The following TINAGL1 variants were observed in gnomAD, a reference collection of about 807,000 sequenced individuals.
The protein encoded by TINAGL1 is tubulointerstitial nephritis antigen like 1.
A neutral mutation model predicts 62.0 loss-of-function variants in TINAGL1; 34 were observed. That is an observed-to-expected ratio of 0.55 (90% CI 0.42 to 0.73). The LOEUF (loss-of-function observed/expected upper bound fraction) is 0.73. TINAGL1 is among the 30% of genes least tolerant of loss of function. TINAGL1 has a pLI of 0.00. For missense variants in TINAGL1, 516 were observed against 653.2 expected (o/e 0.79, Z 2.29); for synonymous variants, 221 against 249.7 (o/e 0.88, Z 1.08).
At chr1:31,582,001 C>T (rs1387528496) in intron 3 of TINAGL1, among the ~76,000 whole-genome samples, 1 of 152,146 alleles carries the variant, frequency 6.6e-6, no homozygotes, top group African/African-American at 2.4e-5. Context: ...TACCTGCCCT[C>T]AAGGAATTTA....
intron 3 of TINAGL1, chr1:31,580,508 G>A: frequency 1.6e-6 from 2 of 1,289,286 alleles, no homozygotes; most frequent in Non-Finnish European, 2.0e-6. Context: ...GTGTGCAGAG[G>A]GGGAACAGCC....
In TINAGL1 at chr1:31,584,779, C is replaced by T. The variant is rs774835234; in HGVS notation, c.684C>T (p.Gly228=). ...CTCTTGACCAAGGCAACTGTGCAGG[C>T]TCCTGGGCCTTCTCCACAGCAGGTA... The part of the protein sequence containing the change: ...HEPLDQGNCA[G]SWAFSTAAVA... The change falls in exon 6 of 12, where the codon GGC becomes GGT. Residue 228 remains glycine, a synonymous_variant. Transcript: ENST00000271064. The surrounding 1 kb of genome is among the most constrained non-coding windows in gnomAD (Gnocchi z 4.0). 1.2e-6 allele frequency: 2 copies of T among 1,614,272 alleles called. No individual in the cohort carries two copies. The highest frequency in any genetic ancestry group is 2.2e-5 in the East Asian group (1 of 44,886).
chr1:31,580,212 T>C (rs1639197506), intron 3 of TINAGL1: 1 of 576,168 alleles, frequency 1.7e-6, no homozygotes, highest in Non-Finnish European at 2.1e-6. Context: ...TCTCTCTCTC[T>C]GTCTCTCTCT....
At chr1:31,579,781 T>A (rs1639162417) in intron 3 of TINAGL1, 1 of 163,988 alleles carries the variant, frequency 6.1e-6, no homozygotes, top group African/African-American at 2.4e-5. Context: ...TACCCCCCTA[T>A]TCAGTCTGAG....
At position 31,586,824 on chromosome 1, in the gene TINAGL1, C is replaced by T; in HGVS notation, c.1264-15C>T. 4 of 1,543,914 alleles carry T rather than the reference C, an allele frequency of 2.6e-6. No homozygotes were observed. Among genetic ancestry groups the T allele is most frequent in the Non-Finnish European group, 3.5e-6 (4 of 1,142,114 alleles). On this transcript the variant is annotated splice_polypyrimidine_tract_variant and intron_variant, in intron 11 of 11. Coordinates refer to ENST00000271064, the MANE Select transcript of TINAGL1 (RefSeq NM_022164.3). ...CACTCCCATTCCCCTTCTCACCACC[C>T]CTCCTTATTCCCAGACTGCGGCCAA...
intron 3 of TINAGL1, chr1:31,580,877 TCTA>T: frequency 1.0e-6 from 1 of 974,054 alleles, no homozygotes; most frequent in African/African-American, 1.7e-5. Context: ...TTGTCCCATT[TCTA>T]GTGTAAGGTG....
rs1483952254 is a variant in TINAGL1 at position 31,585,207 on chromosome 1, C to G, written c.914C>G (p.Pro305Arg). 6.2e-7 allele frequency: 1 copy of G among 1,610,512 alleles called. No homozygotes were observed. The highest frequency in any genetic ancestry group is 8.5e-7 in the Non-Finnish European group (1 of 1,177,946). The stretch of plus-strand genomic sequence containing the variant: ...GGCCGTGAACGAGACGAGGCTGGCC[C>G]TGCGCCCCCCTGTATGATGCACAGC... ...FSGRERDEAGPAPPCMMHSRA... is the reference protein window; with the variant it reads ...FSGRERDEAGRAPPCMMHSRA... Residue 305 changes from proline (P) to arginine (R), a missense_variant, in exon 8 of 12, where the codon CCT (proline) becomes CGT (arginine). Physicochemically the swap from Pro to Arg is moderately radical, Grantham distance 103. Coordinates refer to ENST00000271064, the MANE Select transcript of TINAGL1 (RefSeq NM_022164.3). This position sits in a 1 kb window ranked among gnomAD's most constrained non-coding sequence, Gnocchi z 4.3.
At chr1:31,581,919 GT>G (rs1441630665) in intron 3 of TINAGL1, among the ~76,000 whole-genome samples, 1 of 152,202 alleles carries the variant, frequency 6.6e-6, no homozygotes, top group African/African-American at 2.4e-5. Flanking sequence ...CATTGACTCA[GT>G]TAACAAATAT....
Position 31,584,589 on chromosome 1 carries a change from T to C in TINAGL1, c.583-89T>C, listed in dbSNP as rs1030785880. On this transcript the variant is annotated intron_variant, in intron 5 of 11. Transcript: ENST00000271064. This position sits in a 1 kb window ranked among gnomAD's most constrained non-coding sequence, Gnocchi z 4.0. ...CTCAAGATTAAACTGCAGAAGGCCC[T>C]GGACTTGGTGGCCCTCCAGTGCCAA... The C allele has an allele frequency of 1.0e-5, 16 of 1,596,086 alleles. No homozygotes were observed. The East Asian group carries it at 2.5e-4, about 25-fold the overall frequency.
At position 31,585,054 on chromosome 1, in the gene TINAGL1, A is replaced by T. The variant is rs201096611; in HGVS notation, c.857+18A>T. 6.3e-7 allele frequency: 1 copy of T among 1,585,592 alleles called. No individual in the cohort carries two copies. ...CGCCGAGGGTATGCAGCAACAGGGG[A>T]TGTGGGCAGAGAAGAGGGCAAGGAG... On this transcript the variant is annotated intron_variant, in intron 7 of 11. Coordinates refer to ENST00000271064, the MANE Select transcript of TINAGL1 (RefSeq NM_022164.3). This position sits in a 1 kb window ranked among gnomAD's most constrained non-coding sequence, Gnocchi z 4.3.
chr1:31,582,336 A>AC (rs1312848101), intron 3 of TINAGL1, among the ~76,000 whole-genome samples: 2 of 151,452 alleles, frequency 1.3e-5, no homozygotes, highest in Non-Finnish European at 2.9e-5. Flanking sequence ...TCAAAAAAAA[A>AC]AGCGGGGAGG....
rs111241208 is a variant in TINAGL1 at position 31,585,877 on chromosome 1, G to A, written c.1217+1G>A. 5.1e-6 allele frequency: 8 copies of A among 1,581,184 alleles called. No individual in the cohort carries two copies. Among genetic ancestry groups the A allele is most frequent in the African/African-American group, 1.3e-5 (1 of 74,310 alleles). On this transcript the variant is annotated splice_donor_variant, in intron 10 of 11. Coordinates refer to ENST00000271064, the MANE Select transcript of TINAGL1 (RefSeq NM_022164.3). LOFTEE classifies it high-confidence loss of function. This position sits in a 1 kb window ranked among gnomAD's most constrained non-coding sequence, Gnocchi z 4.3. ...GGACCCACTCAGTCAAGATCACAGG[G>A]TGAGGGGCGTGTGGGCAGAGGGGGT... is the stretch of plus-strand genomic sequence containing the variant.
chr1:31,582,999 T>G (rs1043265720), intron 3 of TINAGL1, 150 bp from the exon 4 acceptor site: 2 of 681,340 alleles, frequency 2.9e-6, no homozygotes, highest in Middle Eastern at 2.5e-4. Context: ...ACGTTGACAT[T>G]TAAAGCCACC....
chr1:31,577,497 C>T lies in TINAGL1; in HGVS notation c.310+39C>T. The T allele has an allele frequency of 6.4e-7, 1 of 1,566,100 alleles. No individual in the cohort carries two copies. The highest frequency in any genetic ancestry group is 1.8e-5 in the Admixed American group (1 of 55,818). ...TGGCCAGGAGGGTGGGTCACTTTGT[C>T]CACCTCAGACTCAGCAAGGCTCAAG... On this transcript the variant is annotated intron_variant, in intron 2 of 11. Coordinates refer to ENST00000271064, the MANE Select transcript of TINAGL1 (RefSeq NM_022164.3). The surrounding 1 kb of genome is among the most constrained non-coding windows in gnomAD (Gnocchi z 5.4).
chr1:31,580,339 G>A (rs1557558240), intron 3 of TINAGL1: 2 of 1,282,422 alleles, frequency 1.6e-6, no homozygotes, highest in Non-Finnish European at 2.0e-6. Context: ...CTGGACCTGT[G>A]TGGGCAGCCC....
Position 31,584,158 on chromosome 1 carries a change from C to A in TINAGL1, c.583-520C>A, listed in dbSNP as rs952161604. 1 of 167,716 alleles carries A rather than the reference C, an allele frequency of 6.0e-6. No homozygotes were observed. The highest frequency in any genetic ancestry group is 2.4e-5 in the African/African-American group (1 of 41,810). The allele number at this position is 167,716 out of a possible 1,614,324, so 10.4% of individuals were successfully genotyped here. On this transcript the variant is annotated intron_variant, in intron 5 of 11. Coordinates refer to ENST00000271064, the MANE Select transcript of TINAGL1 (RefSeq NM_022164.3). This position sits in a 1 kb window ranked among gnomAD's most constrained non-coding sequence, Gnocchi z 4.0. The stretch of plus-strand genomic sequence containing the variant: ...GAGGCAGGGGCTGGCAGGAGTGGCC[C>A]TCCCTGCGGAGACTTCGGCCTTGGG...
chr1:31,580,882 T>A, intron 3 of TINAGL1: 1 of 939,982 alleles, frequency 1.1e-6, no homozygotes, highest in East Asian at 6.3e-5. Context: ...CCATTTCTAG[T>A]GTAAGGTGAA....
Position 31,584,769 on chromosome 1 carries a change from A to G in TINAGL1, c.674A>G (p.Asn225Ser), listed in dbSNP as rs1332613995. ...ATTCATGAGCCTCTTGACCAAGGCA[A>G]CTGTGCAGGCTCCTGGGCCTTCTCC... ...NLIHEPLDQG[N>S]CAGSWAFSTA... The change falls in exon 6 of 12, where the codon AAC becomes AGC. Residue 225 changes from asparagine to serine, a missense_variant. Asn to Ser is a conservative substitution (Grantham distance 46). Coordinates refer to ENST00000271064, the MANE Select transcript of TINAGL1 (RefSeq NM_022164.3). The surrounding 1 kb of genome is among the most constrained non-coding windows in gnomAD (Gnocchi z 4.0). The G allele has an allele frequency of 6.2e-7, 1 of 1,614,262 alleles. No individual in the cohort carries two copies. The highest frequency in any genetic ancestry group is 8.5e-7 in the Non-Finnish European group (1 of 1,180,040).
intron 3 of TINAGL1, chr1:31,580,160 GCGCT>G: frequency 1.3e-6 from 1 of 772,164 alleles, no homozygotes; most frequent in East Asian, 7.7e-5. Context: ...AGGGGTTAAT[GCGCT>G]CTCTCTCTCT....
Sources: gnomAD v4.1 joint callset for allele counts (sites outside exome capture counted in the v4.1 genomes callset) on GRCh38, gnomAD v4.1.1 for gene constraint, Gnocchi (gnomAD v3.1) non-coding constraint, MANE v1.5 for transcripts, NCBI Gene and HGNC (gene_info 2026-07-23, HGNC 2026-07-21) for gene names.